CPNE4: variants seen among roughly 807,000 people sequenced by gnomAD.
CPNE4 encodes the protein copine 4.
CPNE4 carries 25 observed loss-of-function variants against 67.9 expected under a neutral mutation model. That is an observed-to-expected ratio of 0.37 (90% CI 0.27 to 0.51). The LOEUF (loss-of-function observed/expected upper bound fraction) is 0.51, where lower values mean the gene tolerates loss of function less well. Among genes scored for constraint, CPNE4 ranks in the 20% least tolerant of loss-of-function variants. The pLI, the probability that CPNE4 is intolerant of heterozygous loss-of-function variation, is 0.93. For missense variants in CPNE4, 464 were observed against 690.8 expected (o/e 0.67, Z 3.68); for synonymous variants, 242 against 244.9 (o/e 0.99, Z 0.11).
intron 2 of CPNE4, among the ~76,000 whole-genome samples, chr3:131,816,703 T>C (rs1430435036): frequency 6.6e-6 from 1 of 152,160 alleles, no homozygotes; most frequent in Non-Finnish European, 1.5e-5. Flanking sequence ...CTCTAGTCAC[T>C]CAAAGCCAGA....
chr3:131,807,058 A>G (rs1449824213), intron 2 of CPNE4, among the ~76,000 whole-genome samples: 1 of 152,240 alleles, frequency 6.6e-6, no homozygotes, highest in Middle Eastern at 3.2e-3. Context: ...TGTTAAGGCC[A>G]TAAATTATTA....
intron 3 of CPNE4, among the ~76,000 whole-genome samples, chr3:131,722,446 C>CT (rs201342727): frequency 6.6e-6 from 1 of 151,766 alleles, no homozygotes. Flanking sequence ...ACCCCATACC[C>CT]CCCCACGTTT....
intron 1 of CPNE4, among the ~76,000 whole-genome samples, chr3:132,028,143 A>G (rs1290576548): frequency 6.6e-6 from 1 of 152,206 alleles, no homozygotes; most frequent in Non-Finnish European, 1.5e-5. Flanking sequence ...AAGAATACAT[A>G]CAAACCAAAG....
chr3:131,920,773 A>G (rs1011671646), intron 1 of CPNE4, among the ~76,000 whole-genome samples: 3 of 152,110 alleles, frequency 2.0e-5, no homozygotes, highest in Non-Finnish European at 2.9e-5. Context: ...TCTGAAACAA[A>G]TGTTCATCAT....
chr3:131,893,967 C>G, intron 2 of CPNE4, among the ~76,000 whole-genome samples: 1 of 151,354 alleles, frequency 6.6e-6, no homozygotes, highest in Non-Finnish European at 1.5e-5. Context: ...AAGCTCAGAG[C>G]AGAAATAAAC....
At chr3:131,947,612 AC>A (rs1270899209) in intron 1 of CPNE4, among the ~76,000 whole-genome samples, 20 of 152,204 alleles carry the variant, frequency 1.3e-4, no homozygotes, top group Non-Finnish European at 2.1e-4. Flanking sequence ...TATATGTGCC[AC>A]ATTTTATTTA....
intron 9 of CPNE4, among the ~76,000 whole-genome samples, chr3:131,580,520 A>T (rs76644882): frequency 0.033 from 4,975 of 151,022 alleles, 293 homozygotes; most frequent in African/African-American, 0.11. Flanking sequence ...TGCACACACA[A>T]CAATCATCTG....
chr3:131,545,697 TA>T (rs1258355080), intron 14 of CPNE4, among the ~76,000 whole-genome samples: 1 of 152,208 alleles, frequency 6.6e-6, no homozygotes, highest in Admixed American at 6.5e-5. Flanking sequence ...ATCTTCCTTT[TA>T]AAAAATATTT....
At chr3:131,630,575 G>C (rs573403978) in intron 7 of CPNE4, among the ~76,000 whole-genome samples, 7 of 152,118 alleles carry the variant, frequency 4.6e-5, no homozygotes, top group African/African-American at 1.7e-4. Flanking sequence ...GACATATGTG[G>C]CTATTTAAAT....
intron 11 of CPNE4, among the ~76,000 whole-genome samples, chr3:131,560,392 AAT>A (rs1227051983): frequency 6.6e-6 from 1 of 151,986 alleles, no homozygotes. Flanking sequence ...TGTCTGGTCT[AAT>A]GATTCAGAAA....
At chr3:131,682,990 C>G (rs997548674) in intron 6 of CPNE4, among the ~76,000 whole-genome samples, 2 of 152,106 alleles carry the variant, frequency 1.3e-5, no homozygotes. Flanking sequence ...CACTAGTCAG[C>G]TTGTGGTGAA....
intron 2 of CPNE4, among the ~76,000 whole-genome samples, chr3:131,726,793 T>C (rs571360786): frequency 2.6e-5 from 4 of 151,288 alleles, no homozygotes; most frequent in East Asian, 2.0e-4. Flanking sequence ...TTAGTGAGTA[T>C]ATGGTAGGAC....
intron 2 of CPNE4, among the ~76,000 whole-genome samples, chr3:131,843,890 A>G (rs192352423): frequency 6.6e-6 from 1 of 152,294 alleles, no homozygotes; most frequent in Non-Finnish European, 1.5e-5. Context: ...ATGTATTGCC[A>G]TGAAACCTTT....
At chr3:131,952,716 C>T (rs549380782) in intron 1 of CPNE4, among the ~76,000 whole-genome samples, 2 of 151,760 alleles carry the variant, frequency 1.3e-5, no homozygotes, top group Non-Finnish European at 2.9e-5. Context: ...CCCCTCTGCC[C>T]GGCCACCACC....
At chr3:131,592,068 GA>G (rs1451815570) in intron 7 of CPNE4, among the ~76,000 whole-genome samples, 7 of 152,162 alleles carry the variant, frequency 4.6e-5, no homozygotes, top group African/African-American at 1.4e-4. Context: ...TTACAGAAAA[GA>G]AAATTGATGA....
intron 1 of CPNE4, among the ~76,000 whole-genome samples, chr3:131,906,498 C>T (rs901529318): frequency 3.4e-4 from 51 of 148,794 alleles, no homozygotes; most frequent in African/African-American, 1.1e-3. Flanking sequence ...TGAGAACACG[C>T]GGTGTTTGGT....
chr3:131,671,037 C>T (rs1032494843), intron 6 of CPNE4, among the ~76,000 whole-genome samples: 2 of 152,188 alleles, frequency 1.3e-5, no homozygotes, highest in Non-Finnish European at 1.5e-5. Context: ...ATCCACCCAC[C>T]TCGGCCTCCC....
chr3:131,929,477 G>A (rs1185818243), intron 1 of CPNE4, among the ~76,000 whole-genome samples: 1 of 151,928 alleles, frequency 6.6e-6, no homozygotes, highest in African/African-American at 2.4e-5. Context: ...GTCTGCTTTG[G>A]GCTTCTCTTT....
At chr3:131,618,788 C>A (rs1490239755) in intron 7 of CPNE4, among the ~76,000 whole-genome samples, 1 of 152,090 alleles carries the variant, frequency 6.6e-6, no homozygotes, top group Non-Finnish European at 1.5e-5. Flanking sequence ...AAGCAGAGGT[C>A]CCCATTCCCA....
Sources: gnomAD v4.1 joint callset for allele counts (sites outside exome capture counted in the v4.1 genomes callset) on GRCh38, gnomAD v4.1.1 for gene constraint, MANE v1.5 for transcripts, NCBI Gene and HGNC (gene_info 2026-07-23, HGNC 2026-07-21) for gene names.